The following SBNO1 variants were observed in gnomAD, a reference collection of about 807,000 sequenced individuals.
SBNO1 encodes the protein protein strawberry notch homolog 1.
In SBNO1, 23 loss-of-function variants were observed where a neutral mutation model predicts 173.6. That is an observed-to-expected ratio of 0.13 (90% CI 0.10 to 0.19). The LOEUF (loss-of-function observed/expected upper bound fraction) is 0.19. SBNO1 is among the 10% of genes least tolerant of loss of function. The pLI is 1.00. For synonymous variants in SBNO1, 632 were observed against 571.5 expected, an observed-to-expected ratio of 1.11 and a Z score of -1.51; for missense variants, 1,238 against 1,671.2, an observed-to-expected ratio of 0.74 and a Z score of 4.52.
chr12:123,296,266 A>G (rs183446260), intron 31 of SBNO1, among the ~76,000 whole-genome samples: 1 of 152,384 alleles, frequency 6.6e-6, no homozygotes, highest in Non-Finnish European at 1.5e-5. Flanking sequence ...GCATGTGTTT[A>G]GTGTAATGCT....
chr12:123,359,077 C>T (rs1874812147), intron 1 of SBNO1, among the ~76,000 whole-genome samples: 1 of 151,700 alleles, frequency 6.6e-6, no homozygotes, highest in Admixed American at 6.6e-5. Context: ...GGATTATAGG[C>T]GCCCACCACC....
At chr12:123,342,842 G>A (rs989549250) in intron 4 of SBNO1, among the ~76,000 whole-genome samples, 8 of 152,134 alleles carry the variant, frequency 5.3e-5, no homozygotes, top group Non-Finnish European at 1.0e-4. Context: ...CTGCCTTTAG[G>A]GAAGAGAGTG....
Position 123,295,973 on chromosome 12 carries a change from C to T in SBNO1, c.4117G>A (p.Val1373Ile). 1 of 1,613,772 alleles carries T rather than the reference C, an allele frequency of 6.2e-7. No individual in the cohort carries two copies. Among genetic ancestry groups the T allele is most frequent in the Non-Finnish European group, 8.5e-7 (1 of 1,179,712 alleles). The change falls in exon 32 of 32, where the codon GTC (valine) becomes ATC (isoleucine). Residue 1373 changes from valine (V) to isoleucine (I), a missense_variant. This residue lies in a region of SBNO1 where 351 missense variants were observed against 420.3 expected (regional missense o/e 0.84). Transcript: ENST00000602398. ...STSDQSQQLA[V>I]QQKQLWQQHH... is the part of the protein sequence containing the mutation. The stretch of plus-strand genomic sequence containing the variant: ...TGTTGCCATAGCTGTTTCTGTTGGA[C>T]CGCAAGCTGTTGAGACTGGTCTGAA...
At chr12:123,351,339 A>G (rs1279385430) in intron 1 of SBNO1, among the ~76,000 whole-genome samples, 1 of 152,082 alleles carries the variant, frequency 6.6e-6, no homozygotes, top group Non-Finnish European at 1.5e-5. Flanking sequence ...CAGATTTGTG[A>G]TTTAGAAAGA....
intron 14 of SBNO1, 93 bp from the exon 15 acceptor site, chr12:123,325,692 C>A: frequency 1.2e-6 from 1 of 842,306 alleles, no homozygotes; most frequent in Non-Finnish European, 1.9e-6. Flanking sequence ...ACAAAGATTT[C>A]AAACAAGAAT....
Position 123,292,846 on chromosome 12 carries a change from T to A in SBNO1, c.*3062A>T, listed in dbSNP as rs1291927819. 6.6e-6 allele frequency: 1 copy of A among 152,248 alleles called. No individual in the cohort carries two copies. Among genetic ancestry groups the A allele is most frequent in the African/African-American group, 2.4e-5 (1 of 41,460 alleles). 9.4% of individuals were successfully genotyped at this position (152,248 alleles called of 1,614,324 possible). A position where few individuals can be genotyped will look rare whatever the true frequency, so the allele number is the denominator to read the frequency against. On this transcript the variant is annotated 3_prime_UTR_variant, in exon 32 of 32. Transcript: ENST00000602398. ...AAAACTGCTTAACATATTTGCTTCT[T>A]AATCAAGTTGTGTTTAAAGAAATGC...
At chr12:123,363,980 G>T (rs1028067005) in intron 1 of SBNO1, 66 of 985,372 alleles carry the variant, frequency 6.7e-5, no homozygotes, top group Non-Finnish European at 7.5e-5. Context: ...GGGAACTCTG[G>T]ATGCTCGTTA....
At chr12:123,316,282 T>TG (rs1380147038) in intron 21 of SBNO1, among the ~76,000 whole-genome samples, 1 of 152,156 alleles carries the variant, frequency 6.6e-6, no homozygotes, top group Non-Finnish European at 1.5e-5. Context: ...TAGAGTGCAA[T>TG]GGTGTGATCT....
At chr12:123,315,304 C>A in intron 23 of SBNO1, 69 bp downstream of exon 23, 1 of 1,226,050 alleles carries the variant, frequency 8.2e-7, no homozygotes, top group Non-Finnish European at 1.2e-6. Flanking sequence ...TAACTACTTT[C>A]CTTTTGTGTT....
At chr12:123,300,221 TGTTTTTTAA>T (rs1566020558) in intron 30 of SBNO1, among the ~76,000 whole-genome samples, 2 of 152,332 alleles carry the variant, frequency 1.3e-5, no homozygotes, top group South Asian at 4.1e-4. Context: ...AAATGTTTGT[TGTTTTTTAA>T]GTTAATTTTT....
At chr12:123,309,990 G>A (rs1188235061) in intron 25 of SBNO1, 134 bp from the exon 26 acceptor site, 1 of 664,118 alleles carries the variant, frequency 1.5e-6, no homozygotes, top group East Asian at 2.7e-5. Context: ...TCACAACAAG[G>A]CTGTAATCTG....
Position 123,304,695 on chromosome 12 carries a change from T to C in SBNO1, c.3655A>G (p.Ile1219Val), listed in dbSNP as rs1333548010. 2 of 1,539,102 alleles carry C rather than the reference T, an allele frequency of 1.3e-6. No individual in the cohort carries two copies. Among genetic ancestry groups the C allele is most frequent in the African/African-American group, 1.4e-5 (1 of 72,780 alleles). ...LQIRNNKKTA[I>V]LVKEVNPKKK... is the part of the protein sequence containing the mutation. ...TTAGGATTCACTTCTTTAACTAAGA[T>C]GGCAGTTTTCTTGTTGTTCCTTATC... The change falls in exon 29 of 32, where the codon ATC becomes GTC. Residue 1219 changes from isoleucine to valine, a missense_variant. Ile to Val is a conservative substitution (Grantham distance 29). This residue lies in a region of SBNO1 where 351 missense variants were observed against 420.3 expected (regional missense o/e 0.84). Transcript: ENST00000602398.
intron 24 of SBNO1, among the ~76,000 whole-genome samples, chr12:123,311,837 G>A (rs1377348516): frequency 6.6e-6 from 1 of 151,186 alleles, no homozygotes; most frequent in Non-Finnish European, 1.5e-5. Flanking sequence ...CCAGGCTCAA[G>A]GGATCCTCCC....
chr12:123,351,558 G>C (rs572148677), intron 1 of SBNO1, among the ~76,000 whole-genome samples: 2 of 152,118 alleles, frequency 1.3e-5, no homozygotes, highest in Non-Finnish European at 2.9e-5. Flanking sequence ...AGACTGCAGG[G>C]AGCTGTGATT....
rs150111801 is a variant in SBNO1 at position 123,336,453 on chromosome 12, T to C, written c.690A>G (p.Glu230=). The part of the protein sequence containing the change: ...PVVKEDDEPE[E]EDEEEMGHAE... ...CATGACCCATTTCTTCTTCATCTTC[T>C]TCCTCTGGTTCATCATCTTCTTTTA... Residue 230 remains glutamate, a synonymous_variant, in exon 6 of 32, where the codon GAA becomes GAG. Transcript: ENST00000602398. 3.7e-6 allele frequency: 6 copies of C among 1,612,800 alleles called. No individual in the cohort carries two copies. The African/African-American group carries it at 8.0e-5, about 22-fold the overall frequency.
intron 2 of SBNO1, among the ~76,000 whole-genome samples, chr12:123,350,109 C>T (rs867086804): frequency 6.6e-6 from 1 of 151,838 alleles, no homozygotes; most frequent in Non-Finnish European, 1.5e-5. Flanking sequence ...AAAAAATTAG[C>T]GGGATGTGGT....
rs114314586 is a variant in SBNO1 at position 123,321,537 on chromosome 12, T to G, written c.2321A>C (p.Asn774Thr). 6.2e-7 allele frequency: 1 copy of G among 1,607,916 alleles called. No homozygotes were observed. The highest frequency in any genetic ancestry group is 8.5e-7 in the Non-Finnish European group (1 of 1,174,514). ...TATATTTAATATACTGAACTTACCA[T>G]TTTCATCATCCTCATTAGACTCATC... ...FLDESNEDDE[N>T]DPWLIRKDHK... is the part of the protein sequence containing the mutation. Residue 774 changes from asparagine (N) to threonine (T), a missense_variant and splice_region_variant, in exon 17 of 32, where the codon AAT (asparagine) becomes ACT (threonine). Asn to Thr is a moderately conservative substitution (Grantham distance 65). Transcript: ENST00000602398.
At position 123,313,868 on chromosome 12, in the gene SBNO1, C is replaced by T. The variant is rs1593346226; in HGVS notation, c.3121-149G>A. On this transcript the variant is annotated intron_variant, in intron 23 of 31. Transcript: ENST00000602398. The stretch of plus-strand genomic sequence containing the variant: ...CTTTGGGAGGTCGAGGTGGGTGGAT[C>T]ACCCGAGGTTGGGAGTTCAAGACCA... 1.7e-5 allele frequency: 9 copies of T among 516,452 alleles called. No homozygotes were observed. In the East Asian group the frequency reaches 2.8e-4, roughly 16 times the overall value. The allele number at this position is 516,452 out of a possible 1,614,324, so 32.0% of individuals were successfully genotyped here.
At chr12:123,328,073 G>C in intron 10 of SBNO1, 46 bp from the exon 11 acceptor site, 1 of 1,449,990 alleles carries the variant, frequency 6.9e-7, no homozygotes, top group Non-Finnish European at 9.5e-7. Flanking sequence ...TATTAAGTAA[G>C]AATCTCCAGT....
Sources: gnomAD v4.1 joint callset for allele counts (sites outside exome capture counted in the v4.1 genomes callset) on GRCh38, gnomAD v4.1.1 for gene constraint, gnomAD v4.1.1 regional missense constraint, MANE v1.5 for transcripts, NCBI Gene and HGNC (gene_info 2026-07-23, HGNC 2026-07-21) for gene names.